The following DET1 variants were observed in gnomAD, a reference collection of about 807,000 sequenced individuals.
The protein encoded by DET1 is DET1 partner of COP1 E3 ubiquitin ligase.
In DET1, 22 loss-of-function variants were observed where a neutral mutation model predicts 43.7. That is an observed-to-expected ratio of 0.50 (90% CI 0.36 to 0.72). DET1 has a LOEUF of 0.72. Among genes scored for constraint, DET1 ranks in the 30% least tolerant of loss-of-function variants. DET1 has a pLI of 0.00. For synonymous variants in DET1, 315 were observed against 266.2 expected, an observed-to-expected ratio of 1.18 and a Z score of -1.79; for missense variants, 713 against 713.3, an observed-to-expected ratio of 1.00 and a Z score of 0.00.
chr15:88,520,549 C>T (rs1200760091), intron 3 of DET1, among the ~76,000 whole-genome samples: 20 of 152,176 alleles, frequency 1.3e-4, no homozygotes, highest in Non-Finnish European at 7.3e-5. Flanking sequence ...TCCCCTAAAC[C>T]TGCTCTACCC....
chr15:88,541,957 C>T (rs2057119493), intron 1 of DET1, among the ~76,000 whole-genome samples: 1 of 152,216 alleles, frequency 6.6e-6, no homozygotes, highest in Non-Finnish European at 1.5e-5. Context: ...CCCTCTACTA[C>T]CACTGAGAGA....
intron 1 of DET1, chr15:88,536,446 A>G: frequency 1.5e-6 from 1 of 669,208 alleles, no homozygotes. Flanking sequence ...AACAATTGGT[A>G]TGAGCCTTGA....
intron 4 of DET1, among the ~76,000 whole-genome samples, chr15:88,514,392 A>G (rs909304334): frequency 1.3e-5 from 2 of 152,228 alleles, no homozygotes; most frequent in African/African-American, 4.8e-5. Flanking sequence ...ATATATAAGC[A>G]GACCTAAAGA....
In DET1 at chr15:88,536,114, A is replaced by C. The variant is rs147250705; in HGVS notation, c.-10-4399T>G. Among the ~76,000 whole-genome samples, 593 of 152,340 alleles carry C rather than the reference A, an allele frequency of 3.9e-3. 3 individuals carry two copies. Among genetic ancestry groups the C allele is most frequent in the African/African-American group, 0.013 (560 of 41,570 alleles). On this transcript the variant is annotated intron_variant, in intron 1 of 4. Coordinates refer to ENST00000268148, the MANE Select transcript of DET1 (RefSeq NM_001144074.3). ...AATGTCTGTAGATTTCTCATCAGAA[A>C]CCATGGAAGTTAGAAAGAAGTGGAA... is the stretch of plus-strand genomic sequence containing the variant.
chr15:88,530,945 C>T lies in DET1; in HGVS notation c.761G>A (p.Arg254Gln), dbSNP rs771658609. ...VTPEGTFIDVRTIGRFCYEDD... is the reference protein window; with the variant it reads ...VTPEGTFIDVQTIGRFCYEDD... ...CTCATAGCAAAAGCGGCCAATGGTC[C>T]GCACATCAATGAAAGTGCCTTCAGG... Residue 254 changes from arginine (R) to glutamine (Q), a missense_variant, in exon 2 of 5, where the codon CGG (arginine) becomes CAG (glutamine). By Grantham distance (43) the Arg-to-Gln change is conservative. Transcript: ENST00000268148. 27 of 1,613,974 alleles carry T rather than the reference C, an allele frequency of 1.7e-5. No individual in the cohort carries two copies. The highest frequency in any genetic ancestry group is 1.7e-4 in the Middle Eastern group (1 of 6,056).
chr15:88,519,838 G>A (rs2056442602), intron 3 of DET1, among the ~76,000 whole-genome samples: 1 of 152,060 alleles, frequency 6.6e-6, no homozygotes, highest in African/African-American at 2.4e-5. Context: ...AACTTTATGT[G>A]GGCCCTTAAT....
At chr15:88,529,351 C>T (rs1230754827) in intron 2 of DET1, among the ~76,000 whole-genome samples, 3 of 152,102 alleles carry the variant, frequency 2.0e-5, no homozygotes, top group African/African-American at 7.2e-5. Flanking sequence ...CCAAGGCAGA[C>T]TGGGAAATAA....
At chr15:88,539,480 C>A (rs899199525) in intron 1 of DET1, among the ~76,000 whole-genome samples, 15 of 144,608 alleles carry the variant, frequency 1.0e-4, no homozygotes, top group Admixed American at 3.5e-4. Context: ...AAGGAAAAAA[C>A]TGTCAAAACT....
intron 1 of DET1, among the ~76,000 whole-genome samples, chr15:88,532,448 G>A (rs2056840570): frequency 6.6e-6 from 1 of 152,020 alleles, no homozygotes; most frequent in Non-Finnish European, 1.5e-5. Flanking sequence ...TTTTCACAAA[G>A]ATAAAAAATT....
chr15:88,531,451 A>G lies in DET1; in HGVS notation c.255T>C (p.Tyr85=), dbSNP rs1186257924. ...FSSDQTSLEI[Y]EYQGCQAAED... ...CTGCTGCCTGGCAGCCCTGGTACTC[A>G]TAGATTTCAAGAGATGTCTGGTCTG... Residue 85 remains tyrosine (Y), a synonymous_variant, in exon 2 of 5, where the codon TAT becomes TAC. Transcript: ENST00000268148. The surrounding 1 kb of genome is among the most constrained non-coding windows in gnomAD (Gnocchi z 6.2). The G allele has an allele frequency of 6.2e-7, 1 of 1,614,036 alleles. No homozygotes were observed. Among genetic ancestry groups the G allele is most frequent in the Non-Finnish European group, 8.5e-7 (1 of 1,179,904 alleles).
intron 2 of DET1, among the ~76,000 whole-genome samples, chr15:88,528,205 T>C (rs750957756): frequency 6.6e-6 from 1 of 152,266 alleles, no homozygotes; most frequent in Non-Finnish European, 1.5e-5. Flanking sequence ...AAATGCCAGA[T>C]TTAATTTTCT....
At chr15:88,536,021 T>C (rs2056939928) in intron 1 of DET1, among the ~76,000 whole-genome samples, 1 of 152,068 alleles carries the variant, frequency 6.6e-6, no homozygotes, top group South Asian at 2.1e-4. Flanking sequence ...AACTAAAAGA[T>C]ATACAGTAAA....
intron 3 of DET1, among the ~76,000 whole-genome samples, chr15:88,524,850 C>T (rs978289934): frequency 6.6e-6 from 1 of 152,126 alleles, no homozygotes; most frequent in Non-Finnish European, 1.5e-5. Context: ...AAACCAGAGA[C>T]CCTTGTTCAC....
intron 3 of DET1, among the ~76,000 whole-genome samples, chr15:88,525,639 G>T (rs552447937): frequency 6.6e-6 from 1 of 152,042 alleles, no homozygotes; most frequent in South Asian, 2.1e-4. Context: ...GATGTTTTGA[G>T]TGAGTGTACC....
At chr15:88,544,034 G>C (rs973150500) in intron 1 of DET1, among the ~76,000 whole-genome samples, 1 of 152,290 alleles carries the variant, frequency 6.6e-6, no homozygotes, top group South Asian at 2.1e-4. Flanking sequence ...ATAGACTGAA[G>C]CATTTGCTAC....
At chr15:88,522,594 C>G (rs1041750647) in intron 3 of DET1, among the ~76,000 whole-genome samples, 1 of 142,018 alleles carries the variant, frequency 7.0e-6, no homozygotes, top group African/African-American at 2.6e-5. Flanking sequence ...CTGCAAGCTC[C>G]GCCTCCTGGG....
intron 7 of DET1, chr15:88,505,401 A>C (rs1156828898): frequency 6.6e-6 from 1 of 152,222 alleles, no homozygotes; most frequent in African/African-American, 2.4e-5. Flanking sequence ...GTAAAAAATC[A>C]TGTTCATTCC....
chr15:88,543,835 A>T (rs1288328097), intron 1 of DET1, among the ~76,000 whole-genome samples: 2 of 152,204 alleles, frequency 1.3e-5, no homozygotes, highest in Non-Finnish European at 2.9e-5. Context: ...GGCTATCAAA[A>T]ACAGATCAAG....
Position 88,541,374 on chromosome 15 carries a change from G to A in DET1, c.-11+5166C>T, listed in dbSNP as rs376690998. ...ATACTAAGGGAACTCAGAGGCTGGC[G>A]GGATCCTCCATATGCTGAACGCTGG... On this transcript the variant is annotated intron_variant, in intron 1 of 4. Coordinates refer to ENST00000268148, the MANE Select transcript of DET1 (RefSeq NM_001144074.3). Among the ~76,000 whole-genome samples, 846 of 151,386 alleles carry A rather than the reference G, an allele frequency of 5.6e-3. 12 individuals carry two copies. Among genetic ancestry groups the A allele is most frequent in the African/African-American group, 0.02 (809 of 41,230 alleles).
Sources: allele counts gnomAD v4.1 joint callset (sites outside exome capture counted in the v4.1 genomes callset), GRCh38; gene constraint gnomAD v4.1.1; non-coding constraint Gnocchi (gnomAD v3.1); transcripts MANE v1.5; gene names NCBI Gene and HGNC (gene_info 2026-07-23, HGNC 2026-07-21).